EVL: variants seen among roughly 807,000 people sequenced by gnomAD.
EVL encodes ena/VASP-like protein.
EVL carries 21 observed loss-of-function variants against 59.6 expected under a neutral mutation model. The ratio of observed to expected loss-of-function variants is 0.35; its 90% CI spans 0.25 to 0.51. The LOEUF is 0.51. EVL is among the 20% of genes least tolerant of loss of function. The probability of loss-of-function intolerance (pLI) is 0.97; values close to 1 mark genes in which losing one functional copy is unlikely to be tolerated. For synonymous variants in EVL, 198 were observed against 203.5 expected, an observed-to-expected ratio of 0.97 and a Z score of 0.23; for missense variants, 462 against 546.6, an observed-to-expected ratio of 0.85 and a Z score of 1.54.
chr14:99,990,185 T>C (rs540239352), intron 1 of EVL, among the ~76,000 whole-genome samples: 105 of 152,318 alleles, frequency 6.9e-4, no homozygotes, highest in Non-Finnish European at 1.1e-3. Flanking sequence ...ATCACAAATA[T>C]TCTTAATGAC....
rs561662277 is a variant in EVL, at chr14:100,114,961, C to T, written c.359-8578C>T. ...ACCGTTCACTGGAGGCACATGACCT[C>T]GGGTAGCTTTTCCGAGCCTCAGTTT... On this transcript the variant is annotated intron_variant, in intron 3 of 13. Transcript: ENST00000392920. The surrounding 1 kb of genome is among the most constrained non-coding windows in gnomAD (Gnocchi z 5.0). Among the ~76,000 whole-genome samples the T allele has an allele frequency of 4.0e-5, 6 of 151,882 alleles. No individual in the cohort carries two copies. The highest frequency in any genetic ancestry group is 2.1e-4 in the South Asian group (1 of 4,822).
intron 1 of EVL, among the ~76,000 whole-genome samples, chr14:100,051,769 C>T (rs57664623): frequency 0.061 from 9,320 of 152,192 alleles, 450 homozygotes; most frequent in African/African-American, 0.12. Context: ...GATAAATTGG[C>T]GAGGGAGCCA....
At chr14:100,004,755 C>A (rs374517092) in intron 1 of EVL, among the ~76,000 whole-genome samples, 1 of 150,056 alleles carries the variant, frequency 6.7e-6, no homozygotes. Context: ...CTGTAACTTT[C>A]TATATATTTC....
At chr14:100,134,465 C>T (rs551229933) in intron 8 of EVL, among the ~76,000 whole-genome samples, 2 of 152,290 alleles carry the variant, frequency 1.3e-5, no homozygotes, top group East Asian at 3.9e-4. Flanking sequence ...TCTTGTTTTT[C>T]ACAGGCCCCT....
chr14:100,084,052 CTT>C lies in EVL; in HGVS notation c.12-619_12-618del, dbSNP rs548584469. ...TTAATAATGCATTCTCTCTCTCTCT[CTT>C]TTTTTTTTTTTTTTTCCGAGACAGT... On this transcript the variant is annotated intron_variant, in intron 1 of 13. Coordinates refer to ENST00000392920, the MANE Select transcript of EVL (RefSeq NM_016337.3). Among the ~76,000 whole-genome samples the C allele has an allele frequency of 2.2e-4, 30 of 134,630 alleles. No individual in the cohort carries two copies. The East Asian group carries it at 3.0e-3, about 13-fold the overall frequency. The allele number at this position is 134,630 out of a possible 152,430, so 88.3% of individuals were successfully genotyped here.
chr14:100,012,637 G>A (rs558090948), intron 1 of EVL, among the ~76,000 whole-genome samples: 69 of 152,260 alleles, frequency 4.5e-4, no homozygotes, highest in Non-Finnish European at 8.2e-4. Flanking sequence ...CTCAACAGAT[G>A]AACAATTCTG....
At chr14:100,141,934 C>T (rs1168668280) in intron 13 of EVL, 141 bp downstream of exon 13, 2 of 637,098 alleles carry the variant, frequency 3.1e-6, no homozygotes, top group Non-Finnish European at 5.0e-6. Flanking sequence ...TTCTTACCAT[C>T]TCTAGTTGAG....
At chr14:100,082,597 G>T (rs940682066) in intron 1 of EVL, among the ~76,000 whole-genome samples, 2 of 152,252 alleles carry the variant, frequency 1.3e-5, no homozygotes, top group African/African-American at 4.8e-5. Flanking sequence ...ATCACCCAAA[G>T]CTCAGTGTGG....
chr14:100,078,459 G>A (rs139527213), intron 1 of EVL, among the ~76,000 whole-genome samples: 305 of 152,030 alleles, frequency 2.0e-3, no homozygotes, highest in African/African-American at 7.0e-3. Context: ...CTCGAGAGCC[G>A]GAAAGCACAC....
intron 1 of EVL, among the ~76,000 whole-genome samples, chr14:100,023,593 C>T (rs1296504742): frequency 1.3e-5 from 2 of 151,824 alleles, no homozygotes; most frequent in Non-Finnish European, 2.9e-5. Context: ...TCCCAAAGTG[C>T]TGGGATTACA....
chr14:100,112,114 T>A (rs542003040), intron 3 of EVL, among the ~76,000 whole-genome samples: 269 of 152,328 alleles, frequency 1.8e-3, no homozygotes, highest in Non-Finnish European at 3.3e-3. Context: ...GGAAGGAGTT[T>A]TACAAGTAGC....
intron 8 of EVL, chr14:100,134,640 CA>C (rs1187227280): frequency 6.6e-6 from 1 of 152,248 alleles, no homozygotes; most frequent in African/African-American, 2.4e-5. Context: ...GGTATTTCCC[CA>C]ATTCTCTGCA....
At chr14:100,014,368 A>C (rs1262995553) in intron 1 of EVL, among the ~76,000 whole-genome samples, 1 of 152,242 alleles carries the variant, frequency 6.6e-6, no homozygotes, top group Non-Finnish European at 1.5e-5. Context: ...CCCAGAAATG[A>C]GTGAGAACAT....
intron 1 of EVL, among the ~76,000 whole-genome samples, chr14:99,986,834 C>T (rs2060843113): frequency 1.3e-5 from 2 of 152,158 alleles, no homozygotes; most frequent in South Asian, 2.1e-4. Context: ...TCAACAAATA[C>T]TGGGACAAAG....
At chr14:100,039,095 A>G (rs777323350) in intron 1 of EVL, among the ~76,000 whole-genome samples, 1 of 152,186 alleles carries the variant, frequency 6.6e-6, no homozygotes, top group African/African-American at 2.4e-5. Context: ...GAGCTTTTCA[A>G]AGTTAAACCT....
chr14:100,125,484 G>A (rs1386325335), intron 4 of EVL, among the ~76,000 whole-genome samples: 1 of 152,020 alleles, frequency 6.6e-6, no homozygotes, highest in East Asian at 1.9e-4. Context: ...GGTTTCAGCA[G>A]TTTGAGCAGA....
chr14:100,015,330 T>C (rs1296007105), intron 1 of EVL, among the ~76,000 whole-genome samples: 3 of 152,228 alleles, frequency 2.0e-5, no homozygotes, highest in African/African-American at 7.2e-5. Flanking sequence ...GTTTAAAATA[T>C]TCTCATTTAG....
At chr14:100,134,110 G>C (rs919209423) in intron 8 of EVL, among the ~76,000 whole-genome samples, 1 of 152,226 alleles carries the variant, frequency 6.6e-6, no homozygotes, top group Non-Finnish European at 1.5e-5. Flanking sequence ...GGAGGGCGAG[G>C]CCTGGGCTTC....
chr14:100,048,661 A>G (rs762470540), intron 1 of EVL, among the ~76,000 whole-genome samples: 18 of 152,252 alleles, frequency 1.2e-4, no homozygotes, highest in Non-Finnish European at 2.6e-4. Context: ...GACCATTGCC[A>G]AAAACTGTGA....
Sources: gnomAD v4.1 joint callset for allele counts (sites outside exome capture counted in the v4.1 genomes callset) on GRCh38, gnomAD v4.1.1 for gene constraint, Gnocchi (gnomAD v3.1) non-coding constraint, MANE v1.5 for transcripts, NCBI Gene and HGNC (gene_info 2026-07-23, HGNC 2026-07-21) for gene names.